PALLD: variants seen among roughly 807,000 people sequenced by gnomAD.
The protein encoded by PALLD is palladin.
PALLD carries 61 observed loss-of-function variants against 123.5 expected under a neutral mutation model. That is an observed-to-expected ratio of 0.49 (90% confidence interval 0.40 to 0.61). PALLD has a LOEUF of 0.61. PALLD is among the 20% of genes least tolerant of loss of function. PALLD has a pLI of 0.00. For synonymous variants in PALLD, 465 were observed against 496.4 expected (o/e 0.94, Z 0.84); for missense variants, 1,273 against 1,377.0 (o/e 0.92, Z 1.20).
At chr4:168,571,910 G>T (rs1017813673) in intron 2 of PALLD, among the ~76,000 whole-genome samples, 7 of 152,064 alleles carry the variant, frequency 4.6e-5, no homozygotes, top group Non-Finnish European at 1.0e-4. Context: ...TCAGTGCCAG[G>T]CCTGACTGAG....
chr4:168,818,250 T>A (rs1185755620), intron 10 of PALLD, among the ~76,000 whole-genome samples: 2 of 152,044 alleles, frequency 1.3e-5, no homozygotes, highest in Non-Finnish European at 2.9e-5. Context: ...ATCCTACCAA[T>A]GCTTCACTAG....
intron 2 of PALLD, among the ~76,000 whole-genome samples, chr4:168,646,327 C>G (rs1777447638): frequency 6.6e-6 from 1 of 152,170 alleles, no homozygotes; most frequent in African/African-American, 2.4e-5. Flanking sequence ...CCCTCTGGTA[C>G]TAGTGCAGAT....
At chr4:168,732,419 G>C (rs1219250894) in intron 10 of PALLD, among the ~76,000 whole-genome samples, 1 of 152,174 alleles carries the variant, frequency 6.6e-6, no homozygotes, top group Non-Finnish European at 1.5e-5. Flanking sequence ...GATAGGCCTA[G>C]AATAACCTGA....
chr4:168,811,620 C>T (rs1317368753), intron 10 of PALLD, among the ~76,000 whole-genome samples: 1 of 152,046 alleles, frequency 6.6e-6, no homozygotes, highest in Non-Finnish European at 1.5e-5. Context: ...CCTGTAGTCC[C>T]CGCTACTCAA....
chr4:168,927,844 C>T lies in PALLD; in HGVS notation c.*1664C>T, dbSNP rs1418192282. 2.8e-5 allele frequency: 6 copies of T among 213,332 alleles called. No individual in the cohort carries two copies. In the East Asian group the frequency reaches 4.2e-4, roughly 15 times the overall value. The allele number at this position is 213,332 out of a possible 1,614,324, so 13.2% of individuals were successfully genotyped here. On this transcript the variant is annotated 3_prime_UTR_variant, in exon 22 of 22. Coordinates refer to ENST00000505667, the MANE Select transcript of PALLD (RefSeq NM_001166108.2). ...AATAATTTGACCTAGTAGTATAAAACATGAGGCTTTAATGGTACTTTGCTA... is the reference window on the plus strand; with the variant it reads ...AATAATTTGACCTAGTAGTATAAAATATGAGGCTTTAATGGTACTTTGCTA...
intron 2 of PALLD, among the ~76,000 whole-genome samples, chr4:168,600,149 ACTATATAAACTGTGTTTGTG>A (rs1217042295): frequency 6.7e-6 from 1 of 150,358 alleles, no homozygotes; most frequent in African/African-American, 2.5e-5. Context: ...ATACATATAC[ACTATATAAACTGTGTTTGTG>A]TGTGTATACA....
chr4:168,898,684 A>C lies in PALLD; in HGVS notation c.2442A>C (p.Thr814=), dbSNP rs113676921. 1 of 1,613,732 alleles carries C rather than the reference A, an allele frequency of 6.2e-7. No homozygotes were observed. Among genetic ancestry groups the C allele is most frequent in the Admixed American group, 1.7e-5 (1 of 60,004 alleles). ...KIFEGMPVTF[T]CRVAGNPKPK... ...TTGAGGGAATGCCAGTAACTTTCAC[A>C]TGTAGAGTGGCTGGAAATCCAAAGC... is the stretch of plus-strand genomic sequence containing the variant. The change falls in exon 14 of 22, where the codon ACA becomes ACC. Residue 814 remains threonine, a synonymous_variant. Transcript: ENST00000505667.
intron 10 of PALLD, among the ~76,000 whole-genome samples, chr4:168,731,161 C>G (rs1787134467): frequency 6.6e-6 from 1 of 152,172 alleles, no homozygotes; most frequent in Non-Finnish European, 1.5e-5. Flanking sequence ...GTTTTCCTCT[C>G]CTGATAAGTC....
rs565043858 is a variant in PALLD at position 168,660,199 on chromosome 4, T to A, written c.909-7991T>A. Among the ~76,000 whole-genome samples the A allele has an allele frequency of 1.7e-4, 26 of 152,314 alleles. No individual in the cohort carries two copies. In the South Asian group the frequency reaches 5.2e-3, roughly 30 times the overall value. On this transcript the variant is annotated intron_variant, in intron 2 of 21. Coordinates refer to ENST00000505667, the MANE Select transcript of PALLD (RefSeq NM_001166108.2). ...CACGTCAGGGAGGTGAATTTTTAAA[T>A]GTTCTTACACCACCCAAGAATGGAA... is the stretch of plus-strand genomic sequence containing the variant.
intron 2 of PALLD, among the ~76,000 whole-genome samples, chr4:168,565,023 CAAAAAA>C (rs761594759): frequency 2.6e-4 from 30 of 116,048 alleles, no homozygotes; most frequent in African/African-American, 8.4e-4. Flanking sequence ...CCATCTCTAC[CAAAAAA>C]AAAAAAAAAA....
intron 2 of PALLD, among the ~76,000 whole-genome samples, chr4:168,576,984 T>C (rs1255530101): frequency 6.6e-6 from 1 of 152,100 alleles, no homozygotes; most frequent in Non-Finnish European, 1.5e-5. Flanking sequence ...CTGTGATACA[T>C]AAAATGATTA....
intron 10 of PALLD, among the ~76,000 whole-genome samples, chr4:168,728,713 T>A (rs182389263): frequency 1.3e-5 from 2 of 152,290 alleles, no homozygotes; most frequent in African/African-American, 4.8e-5. Context: ...ATTGTTTTTT[T>A]ATTTTCCCAT....
chr4:168,523,560 G>C (rs1442759797), intron 2 of PALLD, among the ~76,000 whole-genome samples: 2 of 152,114 alleles, frequency 1.3e-5, no homozygotes, highest in Admixed American at 6.6e-5. Flanking sequence ...ATTTGATTAT[G>C]TTAATGGACC....
At chr4:168,522,755 T>C (rs567987513) in intron 2 of PALLD, among the ~76,000 whole-genome samples, 51 of 152,336 alleles carry the variant, frequency 3.3e-4, no homozygotes, top group East Asian at 9.7e-4. Context: ...TTGAATGATA[T>C]ATAACAATAG....
intron 11 of PALLD, among the ~76,000 whole-genome samples, chr4:168,892,482 A>G (rs1244099078): frequency 1.3e-5 from 2 of 152,202 alleles, no homozygotes; most frequent in Non-Finnish European, 2.9e-5. Context: ...ATTTTAGTTT[A>G]TTAGGGTATC....
intron 13 of PALLD, among the ~76,000 whole-genome samples, chr4:168,897,008 T>C (rs1755342630): frequency 6.6e-6 from 1 of 152,112 alleles, no homozygotes; most frequent in South Asian, 2.1e-4. Flanking sequence ...ATTTTGTATT[T>C]TTAGCAGAGA....
chr4:168,785,298 T>TCGACATC, intron 10 of PALLD, among the ~76,000 whole-genome samples: 1 of 152,162 alleles, frequency 6.6e-6, no homozygotes, highest in East Asian at 1.9e-4. Context: ...CGCTGTTTGT[T>TCGACATC]CGACATCCGA....
At position 168,926,951 on chromosome 4, in the gene PALLD, T is replaced by C. The variant is rs1028261807; in HGVS notation, c.*771T>C. 2 of 219,618 alleles carry C rather than the reference T, an allele frequency of 9.1e-6. No individual in the cohort carries two copies. Among genetic ancestry groups the C allele is most frequent in the African/African-American group, 2.2e-5 (1 of 44,586 alleles). The allele number at this position is 219,618 out of a possible 1,614,324, so 13.6% of individuals were successfully genotyped here. ...TAAGGAAGGAACTACTTGCCTTAAA[T>C]GTTAATATCAAAAGAGTTTTCTAAC... On this transcript the variant is annotated 3_prime_UTR_variant, in exon 22 of 22. Coordinates refer to ENST00000505667, the MANE Select transcript of PALLD (RefSeq NM_001166108.2).
At chr4:168,581,755 T>C (rs1454654470) in intron 2 of PALLD, among the ~76,000 whole-genome samples, 1 of 152,094 alleles carries the variant, frequency 6.6e-6, no homozygotes, top group Non-Finnish European at 1.5e-5. Context: ...TTGCAGAAGG[T>C]TTTAGTCTGA....
Sources: allele counts gnomAD v4.1 joint callset (sites outside exome capture counted in the v4.1 genomes callset), GRCh38; gene constraint gnomAD v4.1.1; transcripts MANE v1.5; gene names NCBI Gene and HGNC (gene_info 2026-07-23, HGNC 2026-07-21).